Variants in FREM2 observed in about 807,000 individuals in gnomAD.
The protein encoded by FREM2 is FRAS1 related extracellular matrix 2, also known as FRAS1-related extracellular matrix protein 2.
In FREM2, 119 loss-of-function variants were observed where a neutral mutation model predicts 219.9. The ratio of observed to expected loss-of-function variants is 0.54; its 90% CI spans 0.47 to 0.63. The LOEUF is 0.63. Among genes scored for constraint, FREM2 ranks in the 30% least tolerant of loss-of-function variants. The pLI, the probability that FREM2 is intolerant of heterozygous loss-of-function variation, is 0.00. For synonymous variants in FREM2, 1,562 were observed against 1,522.8 expected (o/e 1.03, Z -0.60); for missense variants, 4,030 against 3,993.6 (o/e 1.01, Z -0.25).
chr13:38,778,292 C>G (rs1323200307), intron 4 of FREM2, among the ~76,000 whole-genome samples: 1 of 152,146 alleles, frequency 6.6e-6, no homozygotes, highest in African/African-American at 2.4e-5. Context: ...CTGGAGAATC[C>G]AAGACTGGGG....
chr13:38,831,774 G>GC (rs1876520296), intron 6 of FREM2, among the ~76,000 whole-genome samples: 1 of 64,424 alleles, frequency 1.6e-5, no homozygotes, highest in African/African-American at 4.1e-5. Context: ...ATGCCAGACT[G>GC]AATTTTTTTT....
rs760364187 is a variant in FREM2, at chr13:38,856,206, G to T, written c.7006G>T (p.Ala2336Ser). ...TGACGGGGTGAGAGAGATGAGAGAG[G>T]CCTTCACTGTTCACCTAAAACCTGA... ...TFDGVREMRE[A>S]FTVHLKPDEN... The change falls in exon 12 of 24, where the codon GCC becomes TCC. Residue 2336 changes from alanine to serine, a missense_variant. Physicochemically the swap from Ala to Ser is moderately conservative, Grantham distance 99 (BLOSUM62 1). Transcript: ENST00000280481. The T allele has an allele frequency of 6.2e-7, 1 of 1,610,846 alleles. No individual in the cohort carries two copies. Among genetic ancestry groups the T allele is most frequent in the Non-Finnish European group, 8.5e-7 (1 of 1,177,192 alleles).
intron 6 of FREM2, among the ~76,000 whole-genome samples, chr13:38,823,798 A>T (rs1876165024): frequency 6.6e-6 from 1 of 152,126 alleles, no homozygotes. Flanking sequence ...CAGATAAGAG[A>T]TGAGAGAAGT....
intron 23 of FREM2, 69 bp from the exon 24 acceptor site, chr13:38,880,215 T>C (rs1566177137): frequency 6.8e-7 from 1 of 1,467,588 alleles, no homozygotes; most frequent in Non-Finnish European, 9.5e-7. Flanking sequence ...TAATTTCTCT[T>C]GCAAAGAGTC....
At chr13:38,816,494 A>T (rs1408252706) in intron 6 of FREM2, among the ~76,000 whole-genome samples, 1 of 152,240 alleles carries the variant, frequency 6.6e-6, no homozygotes, top group Non-Finnish European at 1.5e-5. Context: ...TATCATTTCA[A>T]TAGAGGCAGA....
At chr13:38,742,969 T>A (rs918544794) in intron 2 of FREM2, among the ~76,000 whole-genome samples, 1 of 152,180 alleles carries the variant, frequency 6.6e-6, no homozygotes, top group African/African-American at 2.4e-5. Context: ...AGGACAATAA[T>A]ACTGTTAGCA....
At position 38,688,527 on chromosome 13, in the gene FREM2, T is replaced by C; in HGVS notation, c.1183T>C (p.Tyr395His). Residue 395 changes from tyrosine (Y) to histidine (H), a missense_variant, in exon 1 of 24, where the codon TAC (tyrosine) becomes CAC (histidine). Physicochemically the swap from Tyr to His is moderately conservative, Grantham distance 83. Around this residue, in one of 2 missense-constraint regions of FREM2, gnomAD observed 3,102 missense variants for 2,950.7 expected, o/e 1.05. Transcript: ENST00000280481. ...GGATCTGCGGCTCCTGAAGATTGCC[T>C]ACCAGCCCCCTTCTGAAGACTCTGA... ...QRDLRLLKIAYQPPSEDSDQE... is the reference protein window; with the variant it reads ...QRDLRLLKIAHQPPSEDSDQE... The C allele has an allele frequency of 6.2e-7, 1 of 1,613,978 alleles. No individual in the cohort carries two copies. The highest frequency in any genetic ancestry group is 1.7e-5 in the Admixed American group (1 of 60,018).
intron 6 of FREM2, among the ~76,000 whole-genome samples, chr13:38,814,578 C>A (rs1336985728): frequency 6.6e-6 from 1 of 152,182 alleles, no homozygotes; most frequent in Non-Finnish European, 1.5e-5. Context: ...GTGGCCACCA[C>A]TGTTGGAACT....
chr13:38,816,915 A>G (rs868301221), intron 6 of FREM2, among the ~76,000 whole-genome samples: 2 of 152,178 alleles, frequency 1.3e-5, no homozygotes, highest in African/African-American at 4.8e-5. Flanking sequence ...TAGCATTTCT[A>G]TATGCTCTTA....
intron 14 of FREM2, among the ~76,000 whole-genome samples, chr13:38,860,343 T>C (rs777534845): frequency 5.3e-5 from 8 of 152,130 alleles, no homozygotes; most frequent in Non-Finnish European, 7.4e-5. Context: ...GGGACAACAT[T>C]GGAAAGACAG....
chr13:38,885,821 T>A lies in FREM2; in HGVS notation c.*5034T>A. On this transcript the variant is annotated 3_prime_UTR_variant, in exon 24 of 24. Coordinates refer to ENST00000280481, the MANE Select transcript of FREM2 (RefSeq NM_207361.6). ...ATTGACATTTAAGATGTAAAAAAAA[T>A]TACTTTGATGGTTTAATTAAGAATA... 6.6e-6 allele frequency: 1 copy of A among 152,152 alleles called. No homozygotes were observed. Among genetic ancestry groups the A allele is most frequent in the East Asian group, 1.9e-4 (1 of 5,202 alleles). 9.4% of individuals were successfully genotyped at this position (152,152 alleles called of 1,614,324 possible).
At chr13:38,705,546 T>A (rs1311828905) in intron 2 of FREM2, among the ~76,000 whole-genome samples, 1 of 152,208 alleles carries the variant, frequency 6.6e-6, no homozygotes, top group South Asian at 2.1e-4. Context: ...TGCTTGTGCC[T>A]CTTACCGTAA....
chr13:38,701,632 G>A lies in FREM2; in HGVS notation c.5263+3845G>A, dbSNP rs149910260. Among the ~76,000 whole-genome samples, 824 of 151,742 alleles carry A rather than the reference G, an allele frequency of 5.4e-3. 16 individuals are homozygous for A. The highest frequency in any genetic ancestry group is 0.019 in the African/African-American group (778 of 41,378). ...ATTCTAACATGAAAGTGCTTTGTCG[G>A]GCCCTTCTAGCTCTTTATTGTGATG... On this transcript the variant is annotated intron_variant, in intron 2 of 23. Coordinates refer to ENST00000280481, the MANE Select transcript of FREM2 (RefSeq NM_207361.6).
intron 2 of FREM2, among the ~76,000 whole-genome samples, chr13:38,699,702 T>G (rs2138081532): frequency 6.6e-6 from 1 of 152,232 alleles, no homozygotes; most frequent in South Asian, 2.1e-4. Context: ...TTAATTCCCC[T>G]GATATAAGAA....
In FREM2 at chr13:38,848,572, G is replaced by T. The variant is rs1338118926; in HGVS notation, c.6281G>T (p.Gly2094Val). The T allele has an allele frequency of 6.2e-7, 1 of 1,613,936 alleles. No homozygotes were observed. Among genetic ancestry groups the T allele is most frequent in the African/African-American group, 1.3e-5 (1 of 74,906 alleles). Residue 2094 changes from glycine to valine, a missense_variant, in exon 8 of 24, where the codon GGA becomes GTA. Physicochemically the swap from Gly to Val is moderately radical, Grantham distance 109. Transcript: ENST00000280481. ...LDDLGQPALE[G>V]IEKFELVLRM... Reference sequence around the variant, plus strand: ...GACCTTGGACAACCAGCGCTGGAGGGAATTGAGAAATTTGAACTGGTGCTT... The same window carrying T: ...GACCTTGGACAACCAGCGCTGGAGGTAATTGAGAAATTTGAACTGGTGCTT...
chr13:38,737,899 G>A (rs1872064664), intron 2 of FREM2, among the ~76,000 whole-genome samples: 1 of 152,190 alleles, frequency 6.6e-6, no homozygotes, highest in Admixed American at 6.5e-5. Flanking sequence ...TGGCATTTTA[G>A]GAAGATCACT....
chr13:38,840,441 A>G (rs78628041), intron 6 of FREM2, among the ~76,000 whole-genome samples: 1 of 136,064 alleles, frequency 7.3e-6, no homozygotes, highest in Non-Finnish European at 1.5e-5. Flanking sequence ...TTTTTTTTTA[A>G]TGCGGAGTCT....
At chr13:38,851,659 A>G (rs1459044148) in intron 10 of FREM2, 27 bp from the exon 11 acceptor site, 3 of 1,523,374 alleles carry the variant, frequency 2.0e-6, no homozygotes, top group East Asian at 2.3e-5. Context: ...TAACAATTTC[A>G]TTTGTCTTTG....
chr13:38,878,503 C>A (rs1878429747), intron 22 of FREM2, among the ~76,000 whole-genome samples, 182 bp downstream of exon 22: 4 of 150,820 alleles, frequency 2.7e-5, no homozygotes, highest in Admixed American at 2.7e-4. Flanking sequence ...CATAGTGAGA[C>A]CCCATCTCTA....
Sources: gnomAD v4.1 joint callset for allele counts (sites outside exome capture counted in the v4.1 genomes callset) on GRCh38, gnomAD v4.1.1 for gene constraint, gnomAD v4.1.1 regional missense constraint, MANE v1.5 for transcripts, NCBI Gene and HGNC (gene_info 2026-07-23, HGNC 2026-07-21) for gene names.